The following LACTBL1 variants were observed in gnomAD, a reference collection of about 807,000 sequenced individuals.
LACTBL1 encodes lactamase beta like 1.
A neutral mutation model predicts 39.6 loss-of-function variants in LACTBL1; 29 were observed. That is an observed-to-expected ratio of 0.73 (90% CI 0.55 to 1.00). LACTBL1 has a LOEUF of 1.00. LACTBL1 is among the 50% of genes least tolerant of loss of function. LACTBL1 has a pLI of 0.00. For missense variants in LACTBL1, 711 were observed against 748.5 expected, an observed-to-expected ratio of 0.95 and a Z score of 0.59; for synonymous variants, 361 against 360.7, an observed-to-expected ratio of 1.00 and a Z score of -0.01.
chr1:22,958,640 C>T, intron 4 of LACTBL1, 45 bp downstream of exon 6: 1 of 1,448,542 alleles, frequency 6.9e-7, no homozygotes, highest in Non-Finnish European at 9.3e-7. Context: ...TCAGCTTCCC[C>T]ACCTGAAATG....
intron 2 of LACTBL1, among the ~76,000 whole-genome samples, chr1:22,962,060 C>G (rs1227158145): frequency 6.6e-6 from 1 of 152,122 alleles, no homozygotes; most frequent in South Asian, 2.1e-4. Flanking sequence ...CTTTGCCTTT[C>G]TGAGCCTCTG....
chr1:22,972,470 CAAG>C, the LACTBL1 span: 58 of 984,210 alleles, frequency 5.9e-5, no homozygotes, highest in Non-Finnish European at 6.5e-5. Context: ...AGCTAGAAAA[CAAG>C]GAGGGTAGAC....
chr1:22,957,259 C>T (rs908565765), intron 4 of LACTBL1, among the ~76,000 whole-genome samples: 1 of 152,140 alleles, frequency 6.6e-6, no homozygotes, highest in Admixed American at 6.5e-5. Context: ...AGCCACTCCC[C>T]TATTGATGGA....
At chr1:22,953,575 G>A in exon 6 of LACTBL1, 1 of 1,252,284 alleles carries the variant, frequency 8.0e-7, no homozygotes, top group South Asian at 3.6e-5. Context: ...GAAGGTGGCG[G>A]CGTAGCCGTC....
chr1:22,955,376 G>C (rs1640751365), exon 5 of LACTBL1: 1 of 1,550,388 alleles, frequency 6.4e-7, no homozygotes, highest in African/African-American at 1.4e-5. Flanking sequence ...AGGGCCTCCT[G>C]GGTGCTGCCC....
At chr1:22,972,455 A>C in the LACTBL1 span, 10 of 985,082 alleles carry the variant, frequency 1.0e-5, no homozygotes, top group Admixed American at 4.9e-4. Context: ...AGGGGGACAG[A>C]GAAAAGCTAG....
chr1:22,965,233 AG>A, intron 1 of LACTBL1, 56 bp downstream of exon 3: 1 of 1,282,982 alleles, frequency 7.8e-7, no homozygotes, highest in Non-Finnish European at 9.9e-7. Context: ...GGCAGCTCAA[AG>A]CCCAGGAGGA....
chr1:22,955,780 G>A (rs1640755347), intron 4 of LACTBL1, among the ~76,000 whole-genome samples: 1 of 152,126 alleles, frequency 6.6e-6, no homozygotes, highest in Admixed American at 6.5e-5. Flanking sequence ...AGAAAGTTTG[G>A]GGCCGGGCGC....
At chr1:22,964,764 C>A (rs1481849525) in intron 1 of LACTBL1, among the ~76,000 whole-genome samples, 1 of 152,198 alleles carries the variant, frequency 6.6e-6, no homozygotes, top group Non-Finnish European at 1.5e-5. Flanking sequence ...TGGTGCTCCT[C>A]CTGCTTTAAT....
At chr1:22,957,886 A>G (rs983355680) in intron 4 of LACTBL1, among the ~76,000 whole-genome samples, 6 of 152,068 alleles carry the variant, frequency 3.9e-5, no homozygotes, top group Admixed American at 3.9e-4. Flanking sequence ...TCCTGAGCTC[A>G]GGTGGTCCGC....
chr1:22,961,728 G>C (rs556727291), intron 2 of LACTBL1, among the ~76,000 whole-genome samples: 2 of 151,510 alleles, frequency 1.3e-5, no homozygotes, highest in African/African-American at 4.9e-5. Context: ...GGCTGAGCTC[G>C]GTCCACCTCC....
Position 22,954,044 on chromosome 1 carries a change from A to C in LACTBL1, c.660-20T>G. 2.0e-6 allele frequency: 3 copies of C among 1,507,874 alleles called. No individual in the cohort carries two copies. Among genetic ancestry groups the C allele is most frequent in the Non-Finnish European group, 2.7e-6 (3 of 1,122,504 alleles). 93.4% of individuals were successfully genotyped at this position (1,507,874 alleles called of 1,614,324 possible). The stretch of plus-strand genomic sequence containing the variant: ...TGGCATCTGGAAGGAGAGCAGTGGC[A>C]AGTGGGACGGGGCCCTTCCTCACCC... On this transcript the variant is annotated intron_variant, in intron 5 of 5. Coordinates refer to ENST00000426928, the Ensembl canonical transcript of LACTBL1.
At chr1:22,953,393 C>T in exon 6 of LACTBL1, 1 of 1,228,084 alleles carries the variant, frequency 8.1e-7, no homozygotes, top group Non-Finnish European at 1.0e-6. Flanking sequence ...GTGAAGTAGC[C>T]GGCGAAGGGG....
At chr1:22,954,085 A>C (rs998014713) in intron 5 of LACTBL1, 61 bp from the exon 8 acceptor site, 2 of 1,457,454 alleles carry the variant, frequency 1.4e-6, no homozygotes, top group African/African-American at 2.8e-5. Flanking sequence ...CGCTGTCTGA[A>C]ATGCCACCAG....
intron 5 of LACTBL1, 123 bp from the exon 8 acceptor site, chr1:22,954,147 G>A (rs2124222197): frequency 1.4e-6 from 2 of 1,438,024 alleles, no homozygotes; most frequent in South Asian, 1.5e-5. Context: ...TGCATCCCAG[G>A]TGGTCAGACC....
chr1:22,972,545 A>C, the LACTBL1 span: 1 of 504,902 alleles, frequency 2.0e-6, no homozygotes, highest in Non-Finnish European at 2.6e-6. Flanking sequence ...AGGTGAGAGA[A>C]ACAGCAAGCT....
chr1:22,960,157 A>G (rs1338251284), intron 2 of LACTBL1, 58 bp from the exon 5 acceptor site: 11 of 1,538,962 alleles, frequency 7.1e-6, no homozygotes, highest in African/African-American at 2.7e-5. Flanking sequence ...CTCAGTAATC[A>G]TCTGCAAAGC....
At chr1:22,954,749 G>A (rs544903318) in intron 5 of LACTBL1, among the ~76,000 whole-genome samples, 2 of 152,314 alleles carry the variant, frequency 1.3e-5, no homozygotes, top group East Asian at 3.9e-4. Context: ...TCTTCCTTAA[G>A]GGAAGTGGGG....
exon 6 of LACTBL1, chr1:22,953,433 C>T: frequency 8.1e-7 from 1 of 1,227,520 alleles, no homozygotes; most frequent in Non-Finnish European, 1.0e-6. Flanking sequence ...CCGGGCCGGG[C>T]TCGGCCTCCC....
Sources: allele counts gnomAD v4.1 joint callset (sites outside exome capture counted in the v4.1 genomes callset), GRCh38; gene constraint gnomAD v4.1.1; transcripts MANE v1.5; gene names NCBI Gene and HGNC (gene_info 2026-07-23, HGNC 2026-07-21).